DAPP1: variants seen among roughly 807,000 people sequenced by gnomAD.
DAPP1 encodes the protein dual adaptor of phosphotyrosine and 3-phosphoinositides 1.
Under a neutral mutation model 41.5 loss-of-function variants are expected in DAPP1, and 20 were observed. That is an observed-to-expected ratio of 0.48 (90% CI 0.34 to 0.70). The LOEUF (loss-of-function observed/expected upper bound fraction) is 0.70, where lower values mean the gene tolerates loss of function less well. Ranked by LOEUF, DAPP1 falls within the 30% of genes least tolerant of loss-of-function variation. DAPP1 has a pLI of 0.01. For synonymous variants in DAPP1, 113 were observed against 116.2 expected (o/e 0.97, Z 0.18); for missense variants, 233 against 333.4 (o/e 0.70, Z 2.35).
downstream of DAPP1, among the ~76,000 whole-genome samples, chr4:99,871,551 T>A (rs1054050532): frequency 4.6e-5 from 7 of 152,180 alleles, no homozygotes; most frequent in Non-Finnish European, 7.4e-5. Flanking sequence ...AGTTACTATC[T>A]CAAATTGTTG....
At chr4:99,867,580 C>A (rs1724506288) in intron 8 of DAPP1, among the ~76,000 whole-genome samples, 1 of 152,200 alleles carries the variant, frequency 6.6e-6, no homozygotes, top group South Asian at 2.1e-4. Context: ...AATTGCTTGG[C>A]AGTTTCTTTT....
In DAPP1 at chr4:99,840,463, C is replaced by T. The variant is rs763946043; in HGVS notation, c.358+41C>T. Reference sequence around the variant, plus strand: ...ACACTTGACTTATGAAATAATGTTTCGGGATGGAGGAGAGACAAGGCAGAT... The same window carrying T: ...ACACTTGACTTATGAAATAATGTTTTGGGATGGAGGAGAGACAAGGCAGAT... On this transcript the variant is annotated intron_variant, in intron 3 of 8. Coordinates refer to ENST00000512369, the MANE Select transcript of DAPP1 (RefSeq NM_014395.3). The T allele has an allele frequency of 2.3e-5, 36 of 1,589,954 alleles. No homozygotes were observed. The East Asian group carries it at 3.4e-4, about 15-fold the overall frequency.
At position 99,863,046 on chromosome 4, in the gene DAPP1, G is replaced by T; in HGVS notation, c.574G>T (p.Glu192Ter). ...KTRWFTLHRN[E>*]LKYFKDQMSP... Reference sequence around the variant, plus strand: ...AAGATGGTTTACTCTGCACAGGAATGAACTGAAATACTTCAAAGACCAGAT... The same window carrying T: ...AAGATGGTTTACTCTGCACAGGAATTAACTGAAATACTTCAAAGACCAGAT... The change falls in exon 6 of 9, where the codon GAA (glutamate) becomes TAA (stop). Residue 192 changes from glutamate to a stop codon, truncating the protein, a stop_gained. Transcript: ENST00000512369. LOFTEE classifies it high-confidence loss of function. The T allele has an allele frequency of 6.3e-7, 1 of 1,589,272 alleles. No homozygotes were observed. The highest frequency in any genetic ancestry group is 8.5e-7 in the Non-Finnish European group (1 of 1,171,676).
Position 99,816,937 on chromosome 4 carries a change from A to C in DAPP1, c.24A>C (p.Glu8Asp). 6.2e-7 allele frequency: 1 copy of C among 1,608,920 alleles called. No individual in the cohort carries two copies. Among genetic ancestry groups the C allele is most frequent in the Non-Finnish European group, 8.5e-7 (1 of 1,177,768 alleles). MGRAELL[E>D]GKMSTQDPSD... is the part of the protein sequence containing the mutation. ...GAATGGGCAGAGCAGAACTTCTAGAAGGGAAGATGAGCACCCAGGATCCCT... is the reference window on the plus strand; with the variant it reads ...GAATGGGCAGAGCAGAACTTCTAGACGGGAAGATGAGCACCCAGGATCCCT... Residue 8 changes from glutamate to aspartate, a missense_variant, in exon 1 of 9, where the codon GAA becomes GAC. Glu to Asp is a conservative substitution (Grantham distance 45). Transcript: ENST00000512369.
chr4:99,837,262 T>C (rs1038593924), intron 2 of DAPP1, among the ~76,000 whole-genome samples: 3 of 152,172 alleles, frequency 2.0e-5, no homozygotes, highest in Admixed American at 2.0e-4. Flanking sequence ...TGTAGACTAG[T>C]TTTTGATTGA....
In DAPP1 at chr4:99,853,225, G is replaced by A. The variant is rs769979490; in HGVS notation, c.366G>A (p.Leu122=). 7 of 1,613,928 alleles carry A rather than the reference G, an allele frequency of 4.3e-6. No homozygotes were observed. In the South Asian group the frequency reaches 7.7e-5, roughly 18 times the overall value. ...QPLIGSETGT[L]MVLKHPYPRK... ...TTTTTCATCTTCATTCAGGCACTCT[G>A]ATGGTTCTAAAACATCCCTACCCAA... Residue 122 remains leucine (L), a synonymous_variant, in exon 4 of 9, where the codon CTG becomes CTA. Coordinates refer to ENST00000512369, the MANE Select transcript of DAPP1 (RefSeq NM_014395.3).
intron 8 of DAPP1, chr4:99,866,705 A>G (rs1240824510): frequency 1.5e-6 from 1 of 646,790 alleles, no homozygotes; most frequent in Non-Finnish European, 2.8e-6. Context: ...ACTTGTCCTT[A>G]AAGCTGACTA....
intron 3 of DAPP1, among the ~76,000 whole-genome samples, chr4:99,846,132 T>C (rs1042550632): frequency 9.9e-5 from 15 of 152,094 alleles, no homozygotes; most frequent in Non-Finnish European, 1.8e-4. Context: ...TGGTTAGAAA[T>C]GGGGAAGCAA....
intron 1 of DAPP1, among the ~76,000 whole-genome samples, chr4:99,817,409 T>G (rs1258115768): frequency 1.3e-5 from 2 of 152,202 alleles, no homozygotes; most frequent in African/African-American, 4.8e-5. Flanking sequence ...AAAAGGACTG[T>G]GTTTCTGGTA....
rs1724533301 is a variant in DAPP1 at position 99,868,262 on chromosome 4, T to C, written c.*77T>C. The C allele has an allele frequency of 1.5e-6, 2 of 1,300,164 alleles. No individual in the cohort carries two copies. The highest frequency in any genetic ancestry group is 2.2e-6 in the Non-Finnish European group (2 of 900,280). The allele number at this position is 1,300,164 out of a possible 1,614,324, so 80.5% of individuals were successfully genotyped here. On this transcript the variant is annotated 3_prime_UTR_variant, in exon 9 of 9. Coordinates refer to ENST00000512369, the MANE Select transcript of DAPP1 (RefSeq NM_014395.3). ...CTGACGCTGTGATCTGCAGCAGGCT[T>C]CAAATGAAAACCGACTAAGGATTTT...
intron 3 of DAPP1, among the ~76,000 whole-genome samples, chr4:99,840,995 A>T (rs572690645): frequency 5.1e-4 from 78 of 152,318 alleles, no homozygotes; most frequent in Admixed American, 1.8e-3. Context: ...AACACAAAAA[A>T]CAGTCTATCT....
intron 3 of DAPP1, among the ~76,000 whole-genome samples, chr4:99,846,516 A>G (rs1424871415): frequency 6.6e-6 from 1 of 152,244 alleles, no homozygotes; most frequent in Admixed American, 6.5e-5. Context: ...AGCATAGTAT[A>G]AGTATTCAAT....
At chr4:99,837,224 T>C (rs1723332680) in intron 2 of DAPP1, among the ~76,000 whole-genome samples, 1 of 152,254 alleles carries the variant, frequency 6.6e-6, no homozygotes, top group African/African-American at 2.4e-5. Context: ...TGGGACTTTA[T>C]GACCTGCTAA....
chr4:99,824,227 G>A (rs958606665), intron 1 of DAPP1, among the ~76,000 whole-genome samples: 3 of 152,334 alleles, frequency 2.0e-5, no homozygotes, highest in African/African-American at 7.2e-5. Flanking sequence ...GAGCAGGACA[G>A]TGGTTTATTC....
intron 1 of DAPP1, among the ~76,000 whole-genome samples, chr4:99,819,952 T>C (rs963092559): frequency 2.6e-5 from 4 of 152,176 alleles, no homozygotes; most frequent in Non-Finnish European, 4.4e-5. Flanking sequence ...TTTTCTAAAA[T>C]ACCTAAATCA....
intron 1 of DAPP1, among the ~76,000 whole-genome samples, chr4:99,834,827 G>A (rs547590910): frequency 1.1e-3 from 170 of 152,236 alleles, no homozygotes; most frequent in Non-Finnish European, 1.6e-4. Flanking sequence ...GGAAATCAAG[G>A]TGTCAACAGG....
chr4:99,827,046 T>C (rs1373521524), intron 1 of DAPP1, among the ~76,000 whole-genome samples: 1 of 152,198 alleles, frequency 6.6e-6, no homozygotes, highest in Non-Finnish European at 1.5e-5. Flanking sequence ...GTTCACATTA[T>C]TGAAGTGAAT....
At chr4:99,845,804 A>C (rs1269201625) in intron 3 of DAPP1, among the ~76,000 whole-genome samples, 2 of 152,252 alleles carry the variant, frequency 1.3e-5, no homozygotes, top group Non-Finnish European at 1.5e-5. Flanking sequence ...ATACAGGCTC[A>C]TCTTAGTCAT....
chr4:99,835,569 G>T (rs1372067971), intron 1 of DAPP1, 54 bp from the exon 2 acceptor site: 4 of 1,597,798 alleles, frequency 2.5e-6, no homozygotes, highest in Middle Eastern at 2.3e-4. Context: ...GCCAGTGCAG[G>T]GGGAGTCATG....
Sources: allele counts gnomAD v4.1 joint callset (sites outside exome capture counted in the v4.1 genomes callset), GRCh38; gene constraint gnomAD v4.1.1; transcripts MANE v1.5; gene names NCBI Gene and HGNC (gene_info 2026-07-23, HGNC 2026-07-21).